Variants in NCKAP5 observed in about 807,000 individuals in gnomAD.
NCKAP5 encodes the protein nck-associated protein 5.
A neutral mutation model predicts 167.0 loss-of-function variants in NCKAP5; 92 were observed. The ratio of observed to expected loss-of-function variants is 0.55; its 90% confidence interval spans 0.47 to 0.66. The LOEUF is 0.66. NCKAP5 is among the 30% of genes least tolerant of loss of function. NCKAP5 has a pLI of 0.00. For synonymous variants in NCKAP5, 891 were observed against 877.4 expected, an observed-to-expected ratio of 1.02 and a Z score of -0.27; for missense variants, 2,378 against 2,315.0, an observed-to-expected ratio of 1.03 and a Z score of -0.56.
intron 3 of NCKAP5, among the ~76,000 whole-genome samples, chr2:133,325,232 A>T (rs1262972394): frequency 6.6e-6 from 1 of 152,208 alleles, no homozygotes; most frequent in African/African-American, 2.4e-5. Flanking sequence ...ACAGGGAAAG[A>T]GCCAGAGAAA....
intron 6 of NCKAP5, chr2:133,116,876 A>C (rs571519595): frequency 2.6e-5 from 4 of 152,318 alleles, no homozygotes; most frequent in East Asian, 1.9e-4. Flanking sequence ...TATAATCAAT[A>C]AGATTATTTG....
intron 8 of NCKAP5, among the ~76,000 whole-genome samples, chr2:132,909,729 A>G (rs1016824433): frequency 2.0e-5 from 3 of 152,196 alleles, no homozygotes; most frequent in African/African-American, 4.8e-5. Context: ...TACAGAAACT[A>G]CAGATGGAAA....
At chr2:133,021,785 C>T (rs921215933) in intron 6 of NCKAP5, among the ~76,000 whole-genome samples, 1 of 152,158 alleles carries the variant, frequency 6.6e-6, no homozygotes, top group African/African-American at 2.4e-5. Flanking sequence ...TACATGCCAC[C>T]ACGCCTGGCT....
intron 5 of NCKAP5, among the ~76,000 whole-genome samples, chr2:133,183,578 AG>A (rs1351573806): frequency 1.3e-5 from 2 of 150,418 alleles, no homozygotes; most frequent in Non-Finnish European, 3.0e-5. Flanking sequence ...CTCAGTTAAA[AG>A]AGCACTGGCC....
intron 3 of NCKAP5, among the ~76,000 whole-genome samples, chr2:133,448,364 T>C (rs985370838): frequency 6.6e-6 from 1 of 152,196 alleles, no homozygotes. Flanking sequence ...GCTCATGTAT[T>C]TCATTGACAT....
At chr2:132,709,879 T>C (rs1010434600) in intron 19 of NCKAP5, among the ~76,000 whole-genome samples, 1 of 152,062 alleles carries the variant, frequency 6.6e-6, no homozygotes, top group Non-Finnish European at 1.5e-5. Flanking sequence ...CACGACAAAG[T>C]ACAAGAAAAT....
At chr2:133,525,097 T>TA (rs774898443) in intron 2 of NCKAP5, among the ~76,000 whole-genome samples, 1 of 152,170 alleles carries the variant, frequency 6.6e-6, no homozygotes, top group Non-Finnish European at 1.5e-5. Flanking sequence ...TTTTCAACCA[T>TA]AAAAATTTTT....
chr2:133,536,814 T>A (rs1352919429), intron 2 of NCKAP5, among the ~76,000 whole-genome samples: 1 of 152,042 alleles, frequency 6.6e-6, no homozygotes. Context: ...TAAATTTTAC[T>A]GATGTCCAAG....
intron 3 of NCKAP5, among the ~76,000 whole-genome samples, chr2:133,482,604 G>A (rs1281161629): frequency 6.6e-6 from 1 of 152,154 alleles, no homozygotes; most frequent in Non-Finnish European, 1.5e-5. Context: ...CAATGAACAT[G>A]TGAGTGCAAT....
chr2:132,901,314 C>A (rs1335226654), intron 8 of NCKAP5, among the ~76,000 whole-genome samples: 3 of 152,176 alleles, frequency 2.0e-5, no homozygotes, highest in Admixed American at 6.5e-5. Flanking sequence ...GTAGCAAGAA[C>A]ACAATTATCT....
chr2:132,673,287 C>G lies in NCKAP5; in HGVS notation c.*2G>C, dbSNP rs1395238225. Reference sequence around the variant, plus strand: ...CTATTCTCGGGATCGTCTTTTGTTTCTTCAAGTTGTCTCAATTTCTGCAAT... The same window carrying G: ...CTATTCTCGGGATCGTCTTTTGTTTGTTCAAGTTGTCTCAATTTCTGCAAT... On this transcript the variant is annotated 3_prime_UTR_variant, in exon 20 of 20. Coordinates refer to ENST00000409261, the MANE Select transcript of NCKAP5 (RefSeq NM_207363.3). The G allele has an allele frequency of 1.3e-6, 2 of 1,505,182 alleles. No individual in the cohort carries two copies. The highest frequency in any genetic ancestry group is 2.2e-5 in the Admixed American group (1 of 45,346). 93.2% of individuals were successfully genotyped at this position (1,505,182 alleles called of 1,614,324 possible). A position where few individuals can be genotyped will look rare whatever the true frequency, so the allele number is the denominator to read the frequency against.
chr2:133,513,625 C>T (rs991471134), intron 3 of NCKAP5, among the ~76,000 whole-genome samples: 3 of 152,178 alleles, frequency 2.0e-5, no homozygotes, highest in African/African-American at 7.2e-5. Flanking sequence ...GATTTGGATA[C>T]AAACAGTCAA....
chr2:133,143,024 T>C (rs544015621), intron 5 of NCKAP5, among the ~76,000 whole-genome samples: 1 of 152,270 alleles, frequency 6.6e-6, no homozygotes, highest in Admixed American at 6.5e-5. Flanking sequence ...ATCCTTTTTA[T>C]ATTAGTGTCT....
At chr2:132,795,839 C>CAAAAAAA (rs1246383506) in intron 12 of NCKAP5, among the ~76,000 whole-genome samples, 6 of 110,634 alleles carry the variant, frequency 5.4e-5, no homozygotes, top group South Asian at 3.1e-4. Context: ...AAAAAAAAAA[C>CAAAAAAA]AAAAAAAACA....
chr2:133,049,523 C>T lies in NCKAP5; in HGVS notation c.342-55284G>A, dbSNP rs1041367368. The stretch of plus-strand genomic sequence containing the variant: ...TCACACCAATGCACTCAAGCCTGGG[C>T]GACAGAGTGAGACTCTGTCTCAAAA... On this transcript the variant is annotated intron_variant, in intron 6 of 19. Transcript: ENST00000409261. 2.5e-4 allele frequency among the ~76,000 whole-genome samples: 30 copies of T among 119,010 alleles called. 1 individual carries two copies. Among genetic ancestry groups the T allele is most frequent in the Admixed American group, 5.9e-4 (5 of 8,472 alleles). 78.1% of individuals were successfully genotyped at this position (119,010 alleles called of 152,430 possible).
intron 5 of NCKAP5, among the ~76,000 whole-genome samples, chr2:133,201,804 C>A (rs553687717): frequency 6.6e-6 from 1 of 152,056 alleles, no homozygotes; most frequent in Non-Finnish European, 1.5e-5. Context: ...GAAGGCCATT[C>A]CAGCCACAAG....
At chr2:133,503,115 T>C (rs1302299059) in intron 3 of NCKAP5, among the ~76,000 whole-genome samples, 1 of 152,230 alleles carries the variant, frequency 6.6e-6, no homozygotes, top group Non-Finnish European at 1.5e-5. Context: ...CTTACTGGAA[T>C]AGAGCTTTAC....
At chr2:133,476,230 C>A (rs1679875369) in intron 3 of NCKAP5, among the ~76,000 whole-genome samples, 1 of 152,202 alleles carries the variant, frequency 6.6e-6, no homozygotes, top group African/African-American at 2.4e-5. Context: ...TCAATTTATA[C>A]TTTCTGTCTT....
rs373241699 is a variant in NCKAP5, at chr2:132,785,212, C to A, written c.1599G>T (p.Arg533Ser). The change falls in exon 14 of 20, where the codon AGG becomes AGT. Residue 533 changes from arginine (R) to serine (S), a missense_variant. Physicochemically the swap from Arg to Ser is moderately radical, Grantham distance 110. Transcript: ENST00000409261. The part of the protein sequence containing the change: ...EGTSSVYPKE[R>S]PEKLTSCASS... ...TGGCGCAACTTGTCAGCTTTTCAGG[C>A]CTTTCCTTGGGATAAACTGAGGATG... 218 of 1,572,836 alleles carry A rather than the reference C, an allele frequency of 1.4e-4. No homozygotes were observed. The highest frequency in any genetic ancestry group is 8.3e-4 in the South Asian group (69 of 83,378).
Sources: gnomAD v4.1 joint callset for allele counts (sites outside exome capture counted in the v4.1 genomes callset) on GRCh38, gnomAD v4.1.1 for gene constraint, MANE v1.5 for transcripts, NCBI Gene and HGNC (gene_info 2026-07-23, HGNC 2026-07-21) for gene names.